Variants in COL19A1 observed in about 807,000 individuals in gnomAD.
The protein encoded by COL19A1 is collagen type XIX alpha 1 chain, also known as collagen alpha-1(XIX) chain.
COL19A1 carries 159 observed loss-of-function variants against 190.2 expected under a neutral mutation model. The observed-to-expected ratio is 0.84, with a 90% confidence interval of 0.73 to 0.95. The LOEUF is 0.95. Among genes scored for constraint, COL19A1 ranks in the 40% least tolerant of loss-of-function variants. The pLI is 0.00. For synonymous variants in COL19A1, 509 were observed against 458.9 expected (o/e 1.11, Z -1.39); for missense variants, 1,418 against 1,431.9 (o/e 0.99, Z 0.16).
At chr6:69,885,149 C>T (rs187768069) in intron 2 of COL19A1, among the ~76,000 whole-genome samples, 2 of 152,274 alleles carry the variant, frequency 1.3e-5, no homozygotes, top group East Asian at 3.9e-4. Flanking sequence ...TAGGCGTGAG[C>T]CACCGCGCTG....
At position 70,180,474 on chromosome 6, in the gene COL19A1, C is replaced by T. The variant is rs1766102073; in HGVS notation, c.2726C>T (p.Pro909Leu). The stretch of plus-strand genomic sequence containing the variant: ...ATGTGTTTATAGGGTGAGAGAGGAC[C>T]TGTTGGAGATATAGGTTTCCCTGGA... ...GVPGEPGERG[P>L]VGDIGFPGPE... is the part of the protein sequence containing the mutation. Residue 909 changes from proline to leucine, a missense_variant, in exon 44 of 51, where the codon CCT becomes CTT. Pro to Leu is a moderately conservative substitution (Grantham distance 98). Coordinates refer to ENST00000620364, the MANE Select transcript of COL19A1 (RefSeq NM_001858.6). 2 of 1,613,938 alleles carry T rather than the reference C, an allele frequency of 1.2e-6. No individual in the cohort carries two copies. The highest frequency in any genetic ancestry group is 3.3e-5 in the Admixed American group (2 of 60,000).
intron 14 of COL19A1, among the ~76,000 whole-genome samples, chr6:70,048,557 C>T (rs947131381): frequency 4.6e-5 from 7 of 151,940 alleles, no homozygotes; most frequent in Admixed American, 2.6e-4. Flanking sequence ...TTAAAATGAT[C>T]GTTTGTGAAT....
intron 17 of COL19A1, among the ~76,000 whole-genome samples, chr6:70,123,437 A>G (rs1274209858): frequency 4.0e-5 from 6 of 151,630 alleles, no homozygotes; most frequent in Non-Finnish European, 7.4e-5. Flanking sequence ...ATACCATTTG[A>G]TCCAGCCATC....
At chr6:69,938,202 T>A (rs1773233461) in intron 9 of COL19A1, 102 bp downstream of exon 9, 2 of 1,101,924 alleles carry the variant, frequency 1.8e-6, no homozygotes, top group Admixed American at 2.5e-5. Flanking sequence ...AAATATATGT[T>A]TCTATAAAAG....
At chr6:70,095,533 G>A (rs1490786720) in intron 15 of COL19A1, among the ~76,000 whole-genome samples, 1 of 152,058 alleles carries the variant, frequency 6.6e-6, no homozygotes, top group Non-Finnish European at 1.5e-5. Flanking sequence ...TTGAATTGTG[G>A]TAAAAAATAT....
chr6:70,066,459 G>A (rs911626197), intron 14 of COL19A1, among the ~76,000 whole-genome samples: 17 of 151,866 alleles, frequency 1.1e-4, no homozygotes, highest in East Asian at 1.9e-4. Flanking sequence ...GGGGTGGGGG[G>A]AGTGGGGAGG....
chr6:70,060,710 TCTCA>T (rs1780780033), intron 14 of COL19A1, among the ~76,000 whole-genome samples: 1 of 152,118 alleles, frequency 6.6e-6, no homozygotes, highest in Non-Finnish European at 1.5e-5. Context: ...AGCTCAGGAC[TCTCA>T]CTGATTCCAC....
chr6:70,169,830 C>G (rs1265159723), intron 40 of COL19A1, among the ~76,000 whole-genome samples: 1 of 152,118 alleles, frequency 6.6e-6, no homozygotes, highest in East Asian at 1.9e-4. Context: ...ACACACAAAA[C>G]AGCTTCTCTG....
intron 14 of COL19A1, chr6:70,059,837 CA>C (rs2150140499): frequency 2.0e-6 from 1 of 502,974 alleles, no homozygotes; most frequent in Non-Finnish European, 4.0e-6. Context: ...AGAAATAACT[CA>C]ATTTACAGTT....
At chr6:69,913,843 A>G (rs1216292720) in intron 4 of COL19A1, among the ~76,000 whole-genome samples, 4 of 152,144 alleles carry the variant, frequency 2.6e-5, no homozygotes, top group Admixed American at 2.0e-4. Flanking sequence ...TCAGCTTTCA[A>G]TTAGGTCTAG....
At chr6:69,900,044 G>A (rs529724192) in intron 3 of COL19A1, among the ~76,000 whole-genome samples, 195 bp from the exon 4 acceptor site, 46 of 152,060 alleles carry the variant, frequency 3.0e-4, no homozygotes, top group Admixed American at 1.8e-3. Flanking sequence ...ATGGCTACAC[G>A]TTCTATATGC....
At chr6:70,128,627 TA>T (rs1213292775) in intron 17 of COL19A1, among the ~76,000 whole-genome samples, 1 of 152,138 alleles carries the variant, frequency 6.6e-6, no homozygotes, top group African/African-American at 2.4e-5. Context: ...TGGTGTCAAA[TA>T]AAAAATTGCA....
chr6:70,134,918 G>T (rs554724237), intron 18 of COL19A1, among the ~76,000 whole-genome samples: 1 of 152,076 alleles, frequency 6.6e-6, no homozygotes, highest in Non-Finnish European at 1.5e-5. Flanking sequence ...CAGATTGAGG[G>T]CTCAATCCCA....
intron 15 of COL19A1, among the ~76,000 whole-genome samples, chr6:70,071,371 T>G (rs1781545575): frequency 6.6e-6 from 1 of 152,150 alleles, no homozygotes; most frequent in Admixed American, 6.6e-5. Flanking sequence ...GTTGATTTTA[T>G]TTTTTTAATT....
intron 14 of COL19A1, among the ~76,000 whole-genome samples, chr6:70,058,511 G>A (rs1780638069): frequency 6.6e-6 from 1 of 151,978 alleles, no homozygotes; most frequent in Non-Finnish European, 1.5e-5. Flanking sequence ...TTATTAGTGT[G>A]TGGAAGAGAC....
At chr6:70,105,949 A>C (rs1210621704) in intron 16 of COL19A1, among the ~76,000 whole-genome samples, 2 of 152,188 alleles carry the variant, frequency 1.3e-5, no homozygotes, top group Non-Finnish European at 2.9e-5. Flanking sequence ...AGTTGGAGGG[A>C]GACTTTATTC....
At chr6:70,108,490 TC>T (rs1784101251) in intron 16 of COL19A1, among the ~76,000 whole-genome samples, 1 of 152,128 alleles carries the variant, frequency 6.6e-6, no homozygotes, top group Non-Finnish European at 1.5e-5. Context: ...TGACAATAGC[TC>T]TTTGAAGGAT....
intron 31 of COL19A1, among the ~76,000 whole-genome samples, chr6:70,154,344 T>C (rs1031461727): frequency 2.6e-5 from 4 of 152,168 alleles, no homozygotes; most frequent in African/African-American, 9.7e-5. Flanking sequence ...ACATTTTCTT[T>C]ATCCAGTCTA....
intron 16 of COL19A1, among the ~76,000 whole-genome samples, chr6:70,110,789 A>G (rs1238369257): frequency 6.6e-6 from 1 of 152,196 alleles, no homozygotes; most frequent in African/African-American, 2.4e-5. Context: ...TGGTAACATT[A>G]TGGTGGAAAA....
Sources: gnomAD v4.1 joint callset for allele counts (sites outside exome capture counted in the v4.1 genomes callset) on GRCh38, gnomAD v4.1.1 for gene constraint, MANE v1.5 for transcripts, NCBI Gene and HGNC (gene_info 2026-07-23, HGNC 2026-07-21) for gene names.